VWA8: variants seen among roughly 807,000 people sequenced by gnomAD.
VWA8 encodes the protein von Willebrand factor A domain containing 8.
In VWA8, 221 loss-of-function variants were observed where a neutral mutation model predicts 241.5. That is an observed-to-expected ratio of 0.91 (90% CI 0.82 to 1.02). The LOEUF is 1.02. VWA8 is among the 50% of genes least tolerant of loss of function. The probability of loss-of-function intolerance (pLI) is 0.00; values close to 1 mark genes in which losing one functional copy is unlikely to be tolerated. For missense variants in VWA8, 2,322 were observed against 2,328.7 expected, an observed-to-expected ratio of 1.00 and a Z score of 0.06; for synonymous variants, 852 against 827.1, an observed-to-expected ratio of 1.03 and a Z score of -0.52.
intron 12 of VWA8, among the ~76,000 whole-genome samples, chr13:41,852,146 T>C (rs544537168): frequency 2.9e-4 from 44 of 152,354 alleles, no homozygotes; most frequent in Admixed American, 1.7e-3. Context: ...CAATATTTAA[T>C]TGTGGTTTTA....
At chr13:41,886,461 T>A (rs1459738718) in intron 7 of VWA8, among the ~76,000 whole-genome samples, 5 of 152,196 alleles carry the variant, frequency 3.3e-5, no homozygotes, top group Admixed American at 2.6e-4. Flanking sequence ...AAAAACTTGC[T>A]CATTATTTAG....
At chr13:41,930,981 T>C (rs1877080782) in intron 2 of VWA8, among the ~76,000 whole-genome samples, 1 of 151,620 alleles carries the variant, frequency 6.6e-6, no homozygotes, top group South Asian at 2.1e-4. Flanking sequence ...AAACCCCGTC[T>C]CTACTAAAAA....
chr13:41,770,901 C>CAAAAAAA (rs71096541), intron 20 of VWA8, among the ~76,000 whole-genome samples: 4 of 98,382 alleles, frequency 4.1e-5, no homozygotes, highest in African/African-American at 8.2e-5. Context: ...CTTAAAATGA[C>CAAAAAAA]AAAAAAAAAA....
At chr13:41,623,773 G>A (rs893205493) in intron 37 of VWA8, among the ~76,000 whole-genome samples, 5 of 152,086 alleles carry the variant, frequency 3.3e-5, no homozygotes, top group African/African-American at 1.2e-4. Flanking sequence ...AGGATATTGT[G>A]TAAAAGGGAA....
intron 17 of VWA8, among the ~76,000 whole-genome samples, chr13:41,796,208 T>C (rs573348329): frequency 6.6e-6 from 1 of 152,324 alleles, no homozygotes; most frequent in South Asian, 2.1e-4. Flanking sequence ...GTCTAGGTTA[T>C]ACTAGACTCA....
chr13:41,744,330 G>A lies in VWA8; in HGVS notation c.2427-12175C>T, dbSNP rs181862567. 1.7e-4 allele frequency among the ~76,000 whole-genome samples: 26 copies of A among 152,250 alleles called. No homozygotes were observed. The East Asian group carries it at 4.6e-3, about 27-fold the overall frequency. ...AACCTAAGATATCTGTTGACTGTTC[G>A]AATGAATGAAGATAAATGTATAAAT... On this transcript the variant is annotated intron_variant, in intron 21 of 44. Coordinates refer to ENST00000379310, the MANE Select transcript of VWA8 (RefSeq NM_015058.2).
intron 40 of VWA8, among the ~76,000 whole-genome samples, chr13:41,595,620 A>G (rs1593639072): frequency 1.3e-5 from 2 of 151,678 alleles, no homozygotes; most frequent in Non-Finnish European, 2.9e-5. Context: ...TACAATATAT[A>G]CTCTTTTGTT....
intron 14 of VWA8, among the ~76,000 whole-genome samples, chr13:41,824,879 G>A (rs999345113): frequency 3.3e-5 from 5 of 150,662 alleles, no homozygotes; most frequent in African/African-American, 1.2e-4. Context: ...GGAGGGAAGG[G>A]GACCGGAGGG....
chr13:41,571,374 C>G (rs1193142277), intron 43 of VWA8, among the ~76,000 whole-genome samples: 1 of 129,970 alleles, frequency 7.7e-6, no homozygotes, highest in African/African-American at 2.8e-5. Context: ...CCCGGTCTCC[C>G]TCTGATGCCA....
Position 41,700,602 on chromosome 13 carries a change from T to C in VWA8, c.3364+790A>G, listed in dbSNP as rs563652849. The stretch of plus-strand genomic sequence containing the variant: ...TAATAAACTCTTTAACTGTTTTCTC[T>C]TTTTGCAGGCATTAAATGCAGTTCA... On this transcript the variant is annotated intron_variant, in intron 28 of 44. Transcript: ENST00000379310. Among the ~76,000 whole-genome samples, 48 of 152,348 alleles carry C rather than the reference T, an allele frequency of 3.2e-4. 1 individual carries two copies. The highest frequency in any genetic ancestry group is 8.5e-4 in the Admixed American group (13 of 15,298).
intron 19 of VWA8, among the ~76,000 whole-genome samples, chr13:41,781,217 C>T (rs1249277971): frequency 6.6e-6 from 1 of 152,194 alleles, no homozygotes; most frequent in Admixed American, 6.5e-5. Context: ...AAAGATCTCA[C>T]TCTTTCCTAA....
chr13:41,802,740 C>A (rs1163799451), intron 17 of VWA8, among the ~76,000 whole-genome samples: 1 of 152,240 alleles, frequency 6.6e-6, no homozygotes, highest in Non-Finnish European at 1.5e-5. Context: ...CCACCCTGGG[C>A]CAGAAGGGAA....
At chr13:41,757,922 C>T (rs932253398) in intron 21 of VWA8, among the ~76,000 whole-genome samples, 2 of 151,540 alleles carry the variant, frequency 1.3e-5, no homozygotes, top group African/African-American at 4.8e-5. Context: ...TTTAGCTTCG[C>T]CAATTCATGG....
At chr13:41,733,783 A>G (rs2045503972) in intron 21 of VWA8, among the ~76,000 whole-genome samples, 1 of 152,220 alleles carries the variant, frequency 6.6e-6, no homozygotes, top group South Asian at 2.1e-4. Context: ...AGAGTACAGA[A>G]CATGTCCACA....
intron 17 of VWA8, 24 bp downstream of exon 17, chr13:41,811,197 TACAC>T (rs766634715): frequency 6.4e-7 from 1 of 1,566,374 alleles, no homozygotes; most frequent in South Asian, 1.1e-5. Flanking sequence ...TCCAGAAACT[TACAC>T]GCAGTGAGAA....
At chr13:41,708,966 C>T (rs114177731) in intron 26 of VWA8, among the ~76,000 whole-genome samples, 8 of 152,162 alleles carry the variant, frequency 5.3e-5, no homozygotes, top group Non-Finnish European at 8.8e-5. Flanking sequence ...AAAAAGTCTT[C>T]TCTCTTTCTG....
At chr13:41,820,179 T>C (rs559566652) in intron 14 of VWA8, among the ~76,000 whole-genome samples, 31 of 152,258 alleles carry the variant, frequency 2.0e-4, no homozygotes, top group Non-Finnish European at 4.0e-4. Context: ...TCAATTCTAC[T>C]AAAAAACCCA....
At chr13:41,671,752 T>C (rs1472488909) in intron 36 of VWA8, among the ~76,000 whole-genome samples, 2 of 152,134 alleles carry the variant, frequency 1.3e-5, no homozygotes, top group Non-Finnish European at 2.9e-5. Flanking sequence ...CCCCCATTCA[T>C]GTTAGGATAC....
intron 39 of VWA8, among the ~76,000 whole-genome samples, chr13:41,609,137 A>G (rs1237815695): frequency 3.3e-5 from 5 of 152,154 alleles, no homozygotes; most frequent in Non-Finnish European, 7.4e-5. Flanking sequence ...TAGAGCACAA[A>G]ACAGATGGAT....
Sources: allele counts gnomAD v4.1 joint callset (sites outside exome capture counted in the v4.1 genomes callset), GRCh38; gene constraint gnomAD v4.1.1; transcripts MANE v1.5; gene names NCBI Gene and HGNC (gene_info 2026-07-23, HGNC 2026-07-21).